The following SCGN variants were observed in gnomAD, a reference collection of about 807,000 sequenced individuals.
The protein encoded by SCGN is secretagogin, EF-hand calcium binding protein, also known as secretagogin.
In SCGN, 30 loss-of-function variants were observed where a neutral mutation model predicts 39.7. The observed-to-expected ratio is 0.76, with a 90% confidence interval of 0.57 to 1.03. The LOEUF (loss-of-function observed/expected upper bound fraction) is 1.03, where lower values mean the gene tolerates loss of function less well. Ranked by LOEUF, SCGN falls within the 50% of genes least tolerant of loss-of-function variation. The probability of loss-of-function intolerance (pLI) is 0.00; values close to 1 mark genes in which losing one functional copy is unlikely to be tolerated. For missense variants in SCGN, 353 were observed against 349.4 expected (o/e 1.01, Z -0.08); for synonymous variants, 106 against 114.1 (o/e 0.93, Z 0.45).
chr6:25,698,341 T>C (rs1294563920), intron 10 of SCGN, among the ~76,000 whole-genome samples: 1 of 152,204 alleles, frequency 6.6e-6, no homozygotes, highest in Non-Finnish European at 1.5e-5. Context: ...CAAAGTCCAT[T>C]ATTCTTCAAT....
intron 4 of SCGN, among the ~76,000 whole-genome samples, chr6:25,668,663 T>G (rs1382373970): frequency 6.6e-6 from 1 of 152,228 alleles, no homozygotes; most frequent in Non-Finnish European, 1.5e-5. Context: ...TGTGCAGTTT[T>G]CTCATAAAAC....
At chr6:25,668,837 C>A (rs989448597) in intron 4 of SCGN, among the ~76,000 whole-genome samples, 1 of 152,146 alleles carries the variant, frequency 6.6e-6, no homozygotes, top group African/African-American at 2.4e-5. Context: ...ATTGGCCGGG[C>A]GCAGTGGCTC....
intron 2 of SCGN, among the ~76,000 whole-genome samples, chr6:25,654,425 TTCTG>T (rs776497234): frequency 5.9e-4 from 90 of 152,184 alleles, no homozygotes; most frequent in Non-Finnish European, 8.2e-4. Context: ...GCCTCTCATA[TTCTG>T]TCTGTCTCTC....
chr6:25,665,083 C>G (rs756647471), intron 4 of SCGN, 51 bp downstream of exon 4: 23 of 1,399,814 alleles, frequency 1.6e-5, no homozygotes, highest in East Asian at 1.1e-4. Context: ...GACAAGGCTA[C>G]GATCTTAGCC....
At chr6:25,652,526 G>C in intron 1 of SCGN, 41 bp downstream of exon 1, 1 of 1,586,896 alleles carries the variant, frequency 6.3e-7, no homozygotes, top group Non-Finnish European at 8.6e-7. Flanking sequence ...GTGTAGACGT[G>C]GCTCCAAGCT....
intron 6 of SCGN, among the ~76,000 whole-genome samples, chr6:25,680,521 AC>A (rs1759625258): frequency 6.6e-6 from 1 of 152,312 alleles, no homozygotes; most frequent in African/African-American, 2.4e-5. Flanking sequence ...AATTTCGAGC[AC>A]AGGATTGTTT....
intron 6 of SCGN, 53 bp downstream of exon 6, chr6:25,670,129 C>G: frequency 1.6e-6 from 2 of 1,220,808 alleles, no homozygotes; most frequent in Non-Finnish European, 2.4e-6. Flanking sequence ...ACTCCCTCCC[C>G]AGACCCCAGA....
Position 25,652,358 on chromosome 6 carries a change from T to C in SCGN, c.-46T>C. 1.3e-6 allele frequency: 2 copies of C among 1,503,864 alleles called. No individual in the cohort carries two copies. Among genetic ancestry groups the C allele is most frequent in the Non-Finnish European group, 1.9e-6 (2 of 1,080,394 alleles). The allele number at this position is 1,503,864 out of a possible 1,614,324, so 93.2% of individuals were successfully genotyped here. On this transcript the variant is annotated 5_prime_UTR_variant, in exon 1 of 11. Coordinates refer to ENST00000377961, the MANE Select transcript of SCGN (RefSeq NM_006998.4). ...ACGGTGAAGGAGTCCTTCCCAAAGTTGTCTAGGTCCTTCCGCGCCGGTGCC... is the reference window on the plus strand; with the variant it reads ...ACGGTGAAGGAGTCCTTCCCAAAGTCGTCTAGGTCCTTCCGCGCCGGTGCC...
chr6:25,665,560 C>T (rs546559273), intron 4 of SCGN, among the ~76,000 whole-genome samples: 2 of 152,272 alleles, frequency 1.3e-5, no homozygotes, highest in East Asian at 1.9e-4. Flanking sequence ...TATCAATGGC[C>T]TCTCTTACCG....
At chr6:25,672,059 T>G (rs1449117398) in intron 6 of SCGN, among the ~76,000 whole-genome samples, 3 of 152,186 alleles carry the variant, frequency 2.0e-5, no homozygotes, top group Non-Finnish European at 4.4e-5. Context: ...CTCACCAACT[T>G]TTTTCACCTG....
intron 10 of SCGN, among the ~76,000 whole-genome samples, chr6:25,692,914 G>T (rs557074389): frequency 6.6e-6 from 1 of 152,206 alleles, no homozygotes; most frequent in East Asian, 1.9e-4. Context: ...ATGAGGCCGT[G>T]TAAAATGGGA....
At chr6:25,663,714 G>A (rs1265792780) in intron 3 of SCGN, among the ~76,000 whole-genome samples, 3 of 152,130 alleles carry the variant, frequency 2.0e-5, no homozygotes, top group African/African-American at 7.2e-5. Context: ...TGATAAAAAG[G>A]GGATATTTAT....
intron 3 of SCGN, among the ~76,000 whole-genome samples, chr6:25,664,047 G>C (rs889482162): frequency 3.9e-5 from 6 of 152,110 alleles, no homozygotes; most frequent in African/African-American, 1.4e-4. Flanking sequence ...CTCTAGGTTT[G>C]GCAATGAACA....
intron 10 of SCGN, 65 bp downstream of exon 10, chr6:25,691,189 G>C: frequency 8.3e-7 from 1 of 1,199,556 alleles, no homozygotes; most frequent in East Asian, 2.3e-5. Flanking sequence ...TTGTTTATTT[G>C]TGGGAATCAG....
rs115748920 is a variant in SCGN, at chr6:25,677,378, G to A, written c.472-4573G>A. Among the ~76,000 whole-genome samples the A allele has an allele frequency of 9.3e-3, 1,415 of 152,036 alleles. 19 individuals carry two copies. The highest frequency in any genetic ancestry group is 0.031 in the African/African-American group (1,284 of 41,438). On this transcript the variant is annotated intron_variant, in intron 6 of 10. Transcript: ENST00000377961. ...CATGTACCACCTTAATAATTGTTTG[G>A]GATATCTCATAGTGTGCAGAATGTT...
At chr6:25,699,096 C>A (rs1190479936) in intron 10 of SCGN, among the ~76,000 whole-genome samples, 4 of 152,058 alleles carry the variant, frequency 2.6e-5, no homozygotes, top group African/African-American at 9.7e-5. Context: ...GAGAGTGCTT[C>A]CCAGAGCCCC....
rs936590587 is a variant in SCGN at position 25,682,069 on chromosome 6, A to C, written c.527+63A>C. On this transcript the variant is annotated intron_variant, in intron 7 of 10. Transcript: ENST00000377961. ...ACCTTACTAGGGGTCTGATGACATC[A>C]TATATTTCCTTTTGAGACTGGAGAT... The C allele has an allele frequency of 1.0e-5, 13 of 1,266,460 alleles. No individual in the cohort carries two copies. The Admixed American group carries it at 2.2e-4, about 22-fold the overall frequency. The allele number at this position is 1,266,460 out of a possible 1,614,324, so 78.5% of individuals were successfully genotyped here. A position where few individuals can be genotyped will look rare whatever the true frequency, so the allele number is the denominator to read the frequency against.
At chr6:25,653,330 T>G in intron 1 of SCGN, 52 bp from the exon 2 acceptor site, 1 of 1,158,312 alleles carries the variant, frequency 8.6e-7, no homozygotes. Flanking sequence ...ATAAATACTG[T>G]CATGTGTTTT....
intron 10 of SCGN, among the ~76,000 whole-genome samples, chr6:25,700,826 TCTC>T (rs1170179778): frequency 1.3e-5 from 2 of 152,110 alleles, no homozygotes; most frequent in African/African-American, 4.8e-5. Context: ...GGCACAAAAA[TCTC>T]CTACAAGGAG....
Sources: gnomAD v4.1 joint callset for allele counts (sites outside exome capture counted in the v4.1 genomes callset) on GRCh38, gnomAD v4.1.1 for gene constraint, MANE v1.5 for transcripts, NCBI Gene and HGNC (gene_info 2026-07-23, HGNC 2026-07-21) for gene names.